CSMD1: variants seen among roughly 807,000 people sequenced by gnomAD.
The protein encoded by CSMD1 is CUB and Sushi multiple domains 1.
CSMD1 carries 213 observed loss-of-function variants against 417.5 expected under a neutral mutation model. That is an observed-to-expected ratio of 0.51 (90% CI 0.46 to 0.57). The LOEUF is 0.57. Ranked by LOEUF, CSMD1 falls within the 20% of genes least tolerant of loss-of-function variation. CSMD1 has a pLI of 0.00. For synonymous variants in CSMD1, 2,862 were observed against 1,736.8 expected (o/e 1.65, Z -16.11); for missense variants, 6,923 against 4,529.7 (o/e 1.53, Z -15.17).
chr8:3,194,110 A>G (rs903097266), intron 33 of CSMD1, among the ~76,000 whole-genome samples: 1 of 152,212 alleles, frequency 6.6e-6, no homozygotes, highest in African/African-American at 2.4e-5. Flanking sequence ...GAATTAAAAC[A>G]TACATCACTG....
At chr8:3,291,771 A>T (rs1377546193) in intron 25 of CSMD1, among the ~76,000 whole-genome samples, 1 of 151,936 alleles carries the variant, frequency 6.6e-6, no homozygotes, top group African/African-American at 2.4e-5. Context: ...TCTGTCCAAA[A>T]AGTCAGCTCC....
chr8:2,967,959 A>G (rs1178707790), intron 57 of CSMD1, among the ~76,000 whole-genome samples: 1 of 152,162 alleles, frequency 6.6e-6, no homozygotes, highest in African/African-American at 2.4e-5. Context: ...TGCCAATGGC[A>G]GACAGAAGTA....
chr8:3,125,541 G>T (rs952299554), intron 41 of CSMD1, among the ~76,000 whole-genome samples: 2 of 152,112 alleles, frequency 1.3e-5, no homozygotes. Context: ...GTAAAGGGTG[G>T]TAAAAGCCAC....
At chr8:4,238,019 A>G (rs564028119) in intron 3 of CSMD1, among the ~76,000 whole-genome samples, 118 of 152,290 alleles carry the variant, frequency 7.7e-4, no homozygotes, top group African/African-American at 2.7e-3. Flanking sequence ...GACGAACCAC[A>G]TCATGTGCTT....
chr8:3,795,984 TATAG>T lies in CSMD1; in HGVS notation c.819-41946_819-41943del, dbSNP rs1226717226. Among the ~76,000 whole-genome samples the T allele has an allele frequency of 6.3e-4, 42 of 66,986 alleles. 13 individuals carry two copies. The South Asian group carries it at 0.014, about 22-fold the overall frequency. The allele number at this position is 66,986 out of a possible 152,430, so 43.9% of individuals were successfully genotyped here. A position where few individuals can be genotyped will look rare whatever the true frequency, so the allele number is the denominator to read the frequency against. ...GATATAGATATCTATCATGTACAGA[TATAG>T]ATATATATCTATCATGTATATAGAT... On this transcript the variant is annotated intron_variant, in intron 5 of 69. Coordinates refer to ENST00000635120, the MANE Select transcript of CSMD1 (RefSeq NM_033225.6).
intron 10 of CSMD1, among the ~76,000 whole-genome samples, chr8:3,542,952 G>A (rs1448724597): frequency 6.6e-6 from 1 of 151,398 alleles, no homozygotes; most frequent in Non-Finnish European, 1.5e-5. Context: ...GGGACCCGCT[G>A]GCAGTGAATA....
intron 6 of CSMD1, among the ~76,000 whole-genome samples, chr8:3,720,715 G>A (rs1338816830): frequency 6.6e-6 from 1 of 151,656 alleles, no homozygotes; most frequent in Non-Finnish European, 1.5e-5. Flanking sequence ...TTCCAGGCAT[G>A]TACTCTAAGC....
At chr8:3,617,478 T>TC (rs775393137) in intron 7 of CSMD1, among the ~76,000 whole-genome samples, 4 of 152,154 alleles carry the variant, frequency 2.6e-5, no homozygotes, top group Admixed American at 6.6e-5. Context: ...TCTTTTTTTT[T>TC]CTCCCAGGAA....
intron 2 of CSMD1, among the ~76,000 whole-genome samples, chr8:4,442,365 G>T (rs936998467): frequency 6.6e-6 from 1 of 152,118 alleles, no homozygotes; most frequent in Admixed American, 6.5e-5. Context: ...CCACACGTTT[G>T]CCTAGAGATT....
chr8:4,142,136 T>TA (rs1392667286), intron 3 of CSMD1, among the ~76,000 whole-genome samples: 1 of 151,222 alleles, frequency 6.6e-6, no homozygotes, highest in Non-Finnish European at 1.5e-5. Context: ...TCCACATATG[T>TA]AAAACATATG....
Position 4,975,016 on chromosome 8 carries a change from G to C in CSMD1, c.85+19316C>G, listed in dbSNP as rs117134078. 5.6e-3 allele frequency among the ~76,000 whole-genome samples: 851 copies of C among 152,234 alleles called. 30 individuals carry two copies. The highest frequency in any genetic ancestry group is 0.051 in the Admixed American group (781 of 15,282). On this transcript the variant is annotated intron_variant, in intron 1 of 69. Coordinates refer to ENST00000635120, the MANE Select transcript of CSMD1 (RefSeq NM_033225.6). ...GAGAAAATGGATGTTTTTTTCTAGA[G>C]CTCTACTAGAAGGCATTCACATACA...
chr8:2,965,738 T>C (rs554245892), intron 59 of CSMD1, 37 bp downstream of exon 59: 2 of 1,548,420 alleles, frequency 1.3e-6, no homozygotes, highest in Non-Finnish European at 1.8e-6. Context: ...AAGACTTCTA[T>C]ACACATCTGT....
At chr8:3,954,670 G>C (rs76416538) in intron 5 of CSMD1, among the ~76,000 whole-genome samples, 6,367 of 152,292 alleles carry the variant, frequency 0.042, 292 homozygotes, top group African/African-American at 0.11. Flanking sequence ...CCGGATCCCA[G>C]GACTTGTATA....
At chr8:4,461,018 A>T (rs1799782645) in intron 2 of CSMD1, among the ~76,000 whole-genome samples, 1 of 152,170 alleles carries the variant, frequency 6.6e-6, no homozygotes, top group Non-Finnish European at 1.5e-5. Context: ...GCTCAAAACA[A>T]ATCAAGAAAT....
Position 4,388,098 on chromosome 8 carries a change from G to C in CSMD1, c.415+31855C>G, listed in dbSNP as rs539087774. Among the ~76,000 whole-genome samples, 5 of 152,208 alleles carry C rather than the reference G, an allele frequency of 3.3e-5. No homozygotes were observed. The East Asian group carries it at 5.8e-4, about 18-fold the overall frequency. ...ATGTCAGAAGTAAACCAGGACTAAA[G>C]ATACAGCTGTCTCTGCCCAGCTAAA... On this transcript the variant is annotated intron_variant, in intron 3 of 69. Transcript: ENST00000635120.
intron 18 of CSMD1, among the ~76,000 whole-genome samples, chr8:3,386,491 G>C (rs769761136): frequency 6.6e-6 from 1 of 152,212 alleles, no homozygotes; most frequent in East Asian, 1.9e-4. Flanking sequence ...GTGTGGGTTC[G>C]TGCTTTGGTG....
At chr8:4,514,313 C>A (rs1173668324) in intron 2 of CSMD1, among the ~76,000 whole-genome samples, 1 of 152,122 alleles carries the variant, frequency 6.6e-6, no homozygotes. Flanking sequence ...ACCTTAATTA[C>A]TTCTTTAGAG....
intron 26 of CSMD1, among the ~76,000 whole-genome samples, chr8:3,241,713 G>A (rs549903868): frequency 3.5e-4 from 54 of 152,292 alleles, no homozygotes; most frequent in Admixed American, 2.5e-3. Context: ...CTGGAGGAAC[G>A]CCTGGCCGCT....
At chr8:3,421,253 A>C (rs1326267366) in intron 12 of CSMD1, among the ~76,000 whole-genome samples, 2 of 152,220 alleles carry the variant, frequency 1.3e-5, no homozygotes, top group Non-Finnish European at 2.9e-5. Flanking sequence ...TGGTCTTCAG[A>C]GACTGGATCC....
Sources: allele counts gnomAD v4.1 joint callset (sites outside exome capture counted in the v4.1 genomes callset), GRCh38; gene constraint gnomAD v4.1.1; transcripts MANE v1.5; gene names NCBI Gene and HGNC (gene_info 2026-07-23, HGNC 2026-07-21).